ZPBP: variants seen among roughly 807,000 people sequenced by gnomAD.
ZPBP encodes the protein zona pellucida binding protein.
ZPBP carries 26 observed loss-of-function variants against 44.8 expected under a neutral mutation model. That is an observed-to-expected ratio of 0.58 (90% confidence interval 0.43 to 0.81). The LOEUF (loss-of-function observed/expected upper bound fraction) is 0.81. ZPBP is among the 30% of genes least tolerant of loss of function. ZPBP has a pLI of 0.00. For synonymous variants in ZPBP, 174 were observed against 153.2 expected (o/e 1.14, Z -1.00); for missense variants, 409 against 434.0 (o/e 0.94, Z 0.51).
chr7:50,087,777 T>C (rs975232999), intron 2 of ZPBP, among the ~76,000 whole-genome samples: 23 of 151,890 alleles, frequency 1.5e-4, no homozygotes, highest in Admixed American at 1.5e-3. Context: ...AAATTAAAGA[T>C]CTAAATAAAT....
At chr7:49,979,407 G>C (rs971418937) in intron 7 of ZPBP, among the ~76,000 whole-genome samples, 9 of 152,018 alleles carry the variant, frequency 5.9e-5, no homozygotes, top group Non-Finnish European at 1.3e-4. Flanking sequence ...TTTAGAGACA[G>C]AAAATATTTT....
At chr7:50,033,065 T>C (rs1307224266) in intron 4 of ZPBP, among the ~76,000 whole-genome samples, 1 of 152,174 alleles carries the variant, frequency 6.6e-6, no homozygotes, top group Non-Finnish European at 1.5e-5. Context: ...GTTGAAAACA[T>C]TGCTGATTAC....
intron 4 of ZPBP, among the ~76,000 whole-genome samples, chr7:50,046,916 CTAGA>C (rs1263944789): frequency 5.9e-5 from 9 of 152,192 alleles, no homozygotes; most frequent in Non-Finnish European, 7.3e-5. Context: ...CAATGATAGG[CTAGA>C]TAAAGAAAAT....
At chr7:49,930,951 T>C (rs1267381629) in intron 1 of ZPBP, among the ~76,000 whole-genome samples, 1 of 152,336 alleles carries the variant, frequency 6.6e-6, no homozygotes, top group East Asian at 1.9e-4. Flanking sequence ...GGTAATTGAA[T>C]AGTGGGGGCA....
At chr7:49,895,965 A>G (rs1562758409) in intron 2 of ZPBP, among the ~76,000 whole-genome samples, 1 of 152,172 alleles carries the variant, frequency 6.6e-6, no homozygotes, top group Non-Finnish European at 1.5e-5. Context: ...TTCACCAGGT[A>G]GTCATGAGTG....
At chr7:49,944,218 C>CCAATATCAAAAGTGCCAA (rs983555633) in intron 7 of ZPBP, 4 of 356,400 alleles carry the variant, frequency 1.1e-5, no homozygotes, top group African/African-American at 8.7e-5. Context: ...TATTTGGCTG[C>CCAATATCAAAAGTGCCAA]ACTTTTGCCA....
chr7:49,908,281 C>A (rs573623010), intron 1 of ZPBP, among the ~76,000 whole-genome samples: 1 of 152,236 alleles, frequency 6.6e-6, no homozygotes, highest in Non-Finnish European at 1.5e-5. Flanking sequence ...GCCTACATTT[C>A]ATCATGACCT....
At chr7:50,042,425 C>G (rs1210271200) in intron 4 of ZPBP, among the ~76,000 whole-genome samples, 1 of 151,046 alleles carries the variant, frequency 6.6e-6, no homozygotes, top group Non-Finnish European at 1.5e-5. Context: ...GCAGCCAGAT[C>G]AGGTTACCCA....
At chr7:49,845,046 C>T in the ZPBP span, among the ~76,000 whole-genome samples, 1 of 152,098 alleles carries the variant, frequency 6.6e-6, no homozygotes, top group African/African-American at 2.4e-5. Context: ...AAGTTATTTC[C>T]GAATGTTCTC....
intron 6 of ZPBP, among the ~76,000 whole-genome samples, chr7:50,000,037 A>G (rs762374574): frequency 1.3e-5 from 2 of 152,132 alleles, no homozygotes; most frequent in African/African-American, 2.4e-5. Flanking sequence ...AATAGATGTA[A>G]GGCTTCTACA....
At chr7:49,907,023 A>G (rs1241410489) in intron 1 of ZPBP, among the ~76,000 whole-genome samples, 1 of 152,224 alleles carries the variant, frequency 6.6e-6, no homozygotes, top group East Asian at 1.9e-4. Context: ...TGAATAAACA[A>G]TGGTGAAGGC....
chr7:50,058,681 G>GA (rs1246357509), intron 3 of ZPBP, among the ~76,000 whole-genome samples: 4 of 151,084 alleles, frequency 2.6e-5, no homozygotes, highest in African/African-American at 9.7e-5. Context: ...GTTTGCAGAA[G>GA]AAAAAAAAAT....
chr7:49,938,001 A>T (rs758111802), intron 7 of ZPBP, among the ~76,000 whole-genome samples: 1 of 152,224 alleles, frequency 6.6e-6, no homozygotes, highest in African/African-American at 2.4e-5. Context: ...ATCTAATGCC[A>T]TTGATGACCT....
intron 6 of ZPBP, among the ~76,000 whole-genome samples, chr7:50,004,857 A>C (rs996563500): frequency 6.6e-6 from 1 of 152,066 alleles, no homozygotes; most frequent in African/African-American, 2.4e-5. Flanking sequence ...CAAGGTGGAG[A>C]GAGGGAAAAG....
chr7:50,033,745 T>C (rs988078681), intron 4 of ZPBP, among the ~76,000 whole-genome samples: 9 of 151,926 alleles, frequency 5.9e-5, no homozygotes, highest in African/African-American at 2.2e-4. Context: ...CAGGCTGGAG[T>C]GCAGCAGCAC....
At chr7:50,012,893 C>T (rs1038333048) in intron 6 of ZPBP, among the ~76,000 whole-genome samples, 3 of 139,258 alleles carry the variant, frequency 2.2e-5, no homozygotes, top group Admixed American at 7.2e-5. Context: ...AGAAAATCCT[C>T]AGTAATCTGT....
chr7:49,864,951 CCT>C (rs1196206990), intron 2 of ZPBP, among the ~76,000 whole-genome samples: 17 of 152,216 alleles, frequency 1.1e-4, no homozygotes, highest in African/African-American at 4.1e-4. Flanking sequence ...TCTGACAGTT[CCT>C]GTTTGTTTTT....
chr7:49,902,457 A>G (rs1792809583), intron 1 of ZPBP, among the ~76,000 whole-genome samples: 1 of 151,934 alleles, frequency 6.6e-6, no homozygotes, highest in Non-Finnish European at 1.5e-5. Context: ...TATTTTTGAC[A>G]AAGGTGCAAA....
downstream of ZPBP, among the ~76,000 whole-genome samples, chr7:49,849,736 AACC>A (rs1223457832): frequency 6.6e-6 from 1 of 152,218 alleles, no homozygotes; most frequent in Non-Finnish European, 1.5e-5. Flanking sequence ...AAGAATGGGC[AACC>A]AGCCTGTCAC....
Sources: allele counts gnomAD v4.1 joint callset (sites outside exome capture counted in the v4.1 genomes callset), GRCh38; gene constraint gnomAD v4.1.1; transcripts MANE v1.5; gene names NCBI Gene and HGNC (gene_info 2026-07-23, HGNC 2026-07-21).